The following IL1RAP variants were observed in gnomAD, a reference collection of about 807,000 sequenced individuals.
IL1RAP encodes the protein interleukin-1 receptor accessory protein.
A neutral mutation model predicts 60.7 loss-of-function variants in IL1RAP; 35 were observed. That is an observed-to-expected ratio of 0.58 (90% CI 0.44 to 0.76). The LOEUF (loss-of-function observed/expected upper bound fraction) is 0.76. Among genes scored for constraint, IL1RAP ranks in the 30% least tolerant of loss-of-function variants. The pLI is 0.00. For synonymous variants in IL1RAP, 268 were observed against 250.9 expected (o/e 1.07, Z -0.64); for missense variants, 572 against 693.9 (o/e 0.82, Z 1.97).
intron 1 of IL1RAP, among the ~76,000 whole-genome samples, chr3:190,533,011 G>A (rs988828713): frequency 2.0e-5 from 3 of 152,184 alleles, no homozygotes; most frequent in Admixed American, 6.5e-5. Flanking sequence ...AGGGGAGTAA[G>A]GGAACAAATA....
At chr3:190,551,448 A>C (rs145980760) in intron 1 of IL1RAP, among the ~76,000 whole-genome samples, 27 of 152,348 alleles carry the variant, frequency 1.8e-4, no homozygotes, top group African/African-American at 6.3e-4. Flanking sequence ...ACATGCTTCA[A>C]ATTTTCTTCA....
intron 3 of IL1RAP, among the ~76,000 whole-genome samples, chr3:190,572,859 G>T (rs865961000): frequency 8.8e-3 from 341 of 38,968 alleles, no homozygotes; most frequent in East Asian, 0.013. Flanking sequence ...TTAATGCTTT[G>T]TTTTTTTTTT....
At chr3:190,587,704 G>T (rs889705922) in intron 3 of IL1RAP, among the ~76,000 whole-genome samples, 1 of 152,210 alleles carries the variant, frequency 6.6e-6, no homozygotes, top group Non-Finnish European at 1.5e-5. Context: ...TCAACATGAA[G>T]AATCAAATTG....
At position 190,651,392 on chromosome 3, in the gene IL1RAP, A is replaced by G. The variant is rs2108870922; in HGVS notation, c.*2687A>G. The G allele has an allele frequency of 1.3e-6, 1 of 764,136 alleles. No individual in the cohort carries two copies. Among genetic ancestry groups the G allele is most frequent in the Non-Finnish European group, 1.6e-6 (1 of 628,272 alleles). The allele number at this position is 764,136 out of a possible 1,614,324, so 47.3% of individuals were successfully genotyped here. A position where few individuals can be genotyped will look rare whatever the true frequency, so the allele number is the denominator to read the frequency against. On this transcript the variant is annotated 3_prime_UTR_variant, in exon 12 of 12. Transcript: ENST00000447382. ...TTCATTAATTACTTATTTTCTTTCCATAGGTTTTAATATTTTGAGAGTGTC... is the reference window on the plus strand; with the variant it reads ...TTCATTAATTACTTATTTTCTTTCCGTAGGTTTTAATATTTTGAGAGTGTC...
At chr3:190,515,684 AG>A (rs933264004) in intron 1 of IL1RAP, among the ~76,000 whole-genome samples, 1 of 152,032 alleles carries the variant, frequency 6.6e-6, no homozygotes, top group African/African-American at 2.4e-5. Flanking sequence ...ATTGACAAAG[AG>A]GGTCTTGAAA....
At chr3:190,600,253 G>A (rs145772656) in intron 3 of IL1RAP, among the ~76,000 whole-genome samples, 91 of 152,300 alleles carry the variant, frequency 6.0e-4, no homozygotes, top group Non-Finnish European at 1.1e-3. Context: ...AAACTGGCCA[G>A]ATTTTCCACG....
At chr3:190,628,023 T>G (rs967568522) in intron 8 of IL1RAP, among the ~76,000 whole-genome samples, 5 of 152,218 alleles carry the variant, frequency 3.3e-5, no homozygotes, top group African/African-American at 1.2e-4. Flanking sequence ...TAATATTAAC[T>G]AAATACGTTT....
At chr3:190,639,832 G>T (rs114759456) in intron 9 of IL1RAP, among the ~76,000 whole-genome samples, 174 of 152,194 alleles carry the variant, frequency 1.1e-3, no homozygotes, top group African/African-American at 4.1e-3. Context: ...TTTCTGTAAG[G>T]TTAGATTGGA....
intron 3 of IL1RAP, among the ~76,000 whole-genome samples, chr3:190,601,402 A>T (rs1255406298): frequency 6.6e-6 from 1 of 152,252 alleles, no homozygotes. Context: ...ATTGATGTGA[A>T]CAACACTGAT....
intron 1 of IL1RAP, among the ~76,000 whole-genome samples, chr3:190,521,581 T>C (rs1421495357): frequency 6.6e-6 from 1 of 152,076 alleles, no homozygotes; most frequent in East Asian, 1.9e-4. Flanking sequence ...GGTAGAGTGT[T>C]TTATAAATCT....
At chr3:190,522,419 GTATC>G (rs36196626) in intron 1 of IL1RAP, among the ~76,000 whole-genome samples, 25,644 of 142,444 alleles carry the variant, frequency 0.18, 2,309 homozygotes, top group Middle Eastern at 0.33. Flanking sequence ...ATGTATCTAT[GTATC>G]TATCTATCTA....
At chr3:190,544,014 A>G (rs552930184) in intron 1 of IL1RAP, among the ~76,000 whole-genome samples, 88 of 152,190 alleles carry the variant, frequency 5.8e-4, no homozygotes, top group African/African-American at 1.3e-3. Flanking sequence ...GCTGTTTTTT[A>G]TATATTAGAG....
chr3:190,524,544 A>G (rs1356699339), intron 1 of IL1RAP, among the ~76,000 whole-genome samples: 1 of 152,198 alleles, frequency 6.6e-6, no homozygotes, highest in Non-Finnish European at 1.5e-5. Flanking sequence ...AATCTTCTTC[A>G]TATGGCTAGC....
chr3:190,594,581 C>G (rs73200020), intron 3 of IL1RAP, among the ~76,000 whole-genome samples: 6,189 of 152,232 alleles, frequency 0.041, 169 homozygotes, highest in Non-Finnish European at 0.061. Flanking sequence ...TTTCTATTAG[C>G]CAGAACCTAG....
At chr3:190,524,373 A>T (rs1009094482) in intron 1 of IL1RAP, among the ~76,000 whole-genome samples, 3 of 151,996 alleles carry the variant, frequency 2.0e-5, no homozygotes, top group African/African-American at 7.2e-5. Context: ...ATTTGTCAAT[A>T]TTTGCTTTTG....
chr3:190,581,430 T>C (rs192050887), intron 3 of IL1RAP, among the ~76,000 whole-genome samples: 43 of 152,302 alleles, frequency 2.8e-4, no homozygotes, highest in Middle Eastern at 3.4e-3. Flanking sequence ...TAAGCACCAG[T>C]TGGTGCTCTG....
intron 7 of IL1RAP, among the ~76,000 whole-genome samples, chr3:190,626,564 G>C (rs1732283554): frequency 6.6e-6 from 1 of 151,106 alleles, no homozygotes; most frequent in Non-Finnish European, 1.5e-5. Context: ...AAGGACTGAA[G>C]ATATGGAGAA....
intron 3 of IL1RAP, among the ~76,000 whole-genome samples, chr3:190,586,391 TC>T (rs1560191308): frequency 5.3e-5 from 8 of 152,182 alleles, no homozygotes; most frequent in African/African-American, 1.4e-4. Flanking sequence ...AAGCCACAGT[TC>T]ACCTTGCTTT....
chr3:190,595,505 C>T (rs987504742), intron 3 of IL1RAP, among the ~76,000 whole-genome samples: 1 of 152,158 alleles, frequency 6.6e-6, no homozygotes, highest in Non-Finnish European at 1.5e-5. Flanking sequence ...TTATCTCAGT[C>T]CCAGGTTAAT....
Sources: allele counts gnomAD v4.1 joint callset (sites outside exome capture counted in the v4.1 genomes callset), GRCh38; gene constraint gnomAD v4.1.1; transcripts MANE v1.5; gene names NCBI Gene and HGNC (gene_info 2026-07-23, HGNC 2026-07-21).